Variants in FAAH2 observed in about 807,000 individuals in gnomAD.
The protein encoded by FAAH2 is fatty-acid amide hydrolase 2.
A neutral mutation model predicts 36.9 loss-of-function variants in FAAH2; 60 were observed. The observed-to-expected ratio is 1.63, with a 90% CI of 1.32 to 2.02. The LOEUF (loss-of-function observed/expected upper bound fraction) is 2.02. Among genes scored for constraint, FAAH2 ranks in the 30% most tolerant of loss-of-function variants. The probability of loss-of-function intolerance (pLI) is 0.00; values close to 1 mark genes in which losing one functional copy is unlikely to be tolerated. For missense variants in FAAH2, 689 were observed against 397.5 expected (o/e 1.73, Z -6.23); for synonymous variants, 214 against 143.8 (o/e 1.49, Z -3.49).
At chrX:57,449,246 T>C (rs193102728) in intron 10 of FAAH2, among the ~76,000 whole-genome samples, 2 of 112,149 alleles carry the variant, frequency 1.8e-5, no homozygotes, top group African/African-American at 6.5e-5. Flanking sequence ...CCCCTGGACA[T>C]GTACTAGGTC....
At chrX:57,176,495 A>T in the FAAH2 span, among the ~76,000 whole-genome samples, 1 of 80,304 alleles carries the variant, frequency 1.2e-5, no homozygotes, top group East Asian at 3.4e-4. Flanking sequence ...TGTTTCAATA[A>T]TTTTTTTATG....
the FAAH2 span, among the ~76,000 whole-genome samples, chrX:57,235,052 T>C: frequency 9.0e-6 from 1 of 110,829 alleles, no homozygotes. Flanking sequence ...GCCCAGGGAC[T>C]GGGGGCCCTT....
At chrX:57,472,511 C>T (rs1442294572) in intron 10 of FAAH2, among the ~76,000 whole-genome samples, 1 of 111,174 alleles carries the variant, frequency 9.0e-6, no homozygotes, top group Admixed American at 9.6e-5. Flanking sequence ...GAGAGGTATT[C>T]CTACACTTTG....
chrX:57,346,866 C>A (rs1048418344), intron 5 of FAAH2, among the ~76,000 whole-genome samples: 14 of 111,468 alleles, frequency 1.3e-4, no homozygotes, highest in Admixed American at 4.8e-4. Context: ...AATTTCTTTT[C>A]TTTGAGGATG....
intron 10 of FAAH2, among the ~76,000 whole-genome samples, chrX:57,453,309 T>A (rs1423942375): frequency 8.9e-6 from 1 of 112,331 alleles, no homozygotes; most frequent in African/African-American, 3.2e-5. Context: ...TCAACAAAAA[T>A]TTATGAGGCA....
chrX:57,173,797 A>G, the FAAH2 span, among the ~76,000 whole-genome samples: 9 of 111,493 alleles, frequency 8.1e-5, no homozygotes, highest in Admixed American at 5.7e-4. Flanking sequence ...GATATTATTG[A>G]ATGTTTTTTT....
intron 2 of FAAH2, among the ~76,000 whole-genome samples, chrX:57,296,230 G>T (rs975758677): frequency 3.6e-5 from 4 of 111,337 alleles, no homozygotes; most frequent in African/African-American, 1.3e-4. Context: ...ACCTCACATT[G>T]CCCAGTACTC....
At chrX:57,145,100 A>C in the FAAH2 span, among the ~76,000 whole-genome samples, 3 of 111,670 alleles carry the variant, frequency 2.7e-5, no homozygotes, top group East Asian at 8.4e-4. Context: ...ATCAAATGTT[A>C]GTTCTACTTT....
At chrX:57,275,771 T>C in the FAAH2 span, among the ~76,000 whole-genome samples, 1 of 111,421 alleles carries the variant, frequency 9.0e-6, no homozygotes, top group East Asian at 2.8e-4. Flanking sequence ...GCGGTTGCAA[T>C]GCTAGTCTCT....
At position 57,412,857 on chromosome X, in the gene FAAH2, C is replaced by T. The variant is rs375227889; in HGVS notation, c.997-19061C>T. ...TCCAACCAACACTGTAAAAGCGTTC[C>T]TATTTCTCCACACCCTCTCCAGCAT... On this transcript the variant is annotated intron_variant, in intron 7 of 10. Transcript: ENST00000374900. Among the ~76,000 whole-genome samples the T allele has an allele frequency of 6.5e-4, 73 of 112,140 alleles. No homozygotes were observed. In the South Asian group the frequency reaches 0.023, roughly 35 times the overall value.
intron 5 of FAAH2, among the ~76,000 whole-genome samples, chrX:57,341,777 AC>A (rs1184473099): frequency 9.0e-6 from 1 of 111,515 alleles, no homozygotes; most frequent in African/African-American, 3.3e-5. Context: ...TATCCACTGT[AC>A]TAAAATGACT....
At chrX:57,192,114 C>T in the FAAH2 span, among the ~76,000 whole-genome samples, 1 of 111,543 alleles carries the variant, frequency 9.0e-6, no homozygotes, top group Non-Finnish European at 1.9e-5. Context: ...GAAATCTCTC[C>T]TCTTTTGGTG....
At chrX:57,165,550 G>A in the FAAH2 span, among the ~76,000 whole-genome samples, 1 of 109,878 alleles carries the variant, frequency 9.1e-6, no homozygotes, top group South Asian at 3.9e-4. Flanking sequence ...TGGGGTTGGG[G>A]GAGGGTGGAG....
chrX:57,123,572 C>T, the FAAH2 span, among the ~76,000 whole-genome samples: 3 of 112,136 alleles, frequency 2.7e-5, no homozygotes, highest in Non-Finnish European at 5.6e-5. Context: ...CCTGAGGAAT[C>T]GCCACGCTGA....
chrX:57,266,307 G>A, the FAAH2 span, among the ~76,000 whole-genome samples: 1 of 111,772 alleles, frequency 8.9e-6, no homozygotes, highest in Admixed American at 9.4e-5. Context: ...ATACTTCCAG[G>A]CATTGGAAAA....
chrX:57,399,685 T>C (rs1298924094), intron 7 of FAAH2, among the ~76,000 whole-genome samples: 1 of 112,325 alleles, frequency 8.9e-6, no homozygotes, highest in Non-Finnish European at 1.9e-5. Flanking sequence ...CAGCCAATAA[T>C]AATCTCCTAA....
intron 7 of FAAH2, among the ~76,000 whole-genome samples, chrX:57,390,835 A>G (rs2055149216): frequency 9.0e-6 from 1 of 111,499 alleles, no homozygotes; most frequent in Non-Finnish European, 1.9e-5. Flanking sequence ...TCTTTTGGTT[A>G]GATAGTCAGG....
At chrX:57,256,495 G>A in the FAAH2 span, among the ~76,000 whole-genome samples, 2 of 111,477 alleles carry the variant, frequency 1.8e-5, no homozygotes, top group Non-Finnish European at 3.8e-5. Context: ...AAAAGTTGAA[G>A]GCACCACGCT....
At chrX:57,475,121 A>G (rs1399336587) in intron 10 of FAAH2, among the ~76,000 whole-genome samples, 3 of 111,720 alleles carry the variant, frequency 2.7e-5, no homozygotes, top group African/African-American at 9.8e-5. Flanking sequence ...TAGCATGCAA[A>G]TCTTTTTTTC....
Sources: gnomAD v4.1 joint callset for allele counts (sites outside exome capture counted in the v4.1 genomes callset) on GRCh38, gnomAD v4.1.1 for gene constraint, MANE v1.5 for transcripts, NCBI Gene and HGNC (gene_info 2026-07-23, HGNC 2026-07-21) for gene names.